The following CDH13 variants were observed in gnomAD, a reference collection of about 807,000 sequenced individuals.
The protein encoded by CDH13 is cadherin 13.
In CDH13, 24 loss-of-function variants were observed where a neutral mutation model predicts 63.8. That is an observed-to-expected ratio of 0.38 (90% CI 0.27 to 0.53). The LOEUF (loss-of-function observed/expected upper bound fraction) is 0.53, where lower values mean the gene tolerates loss of function less well. CDH13 is among the 20% of genes least tolerant of loss of function. The probability of loss-of-function intolerance (pLI) is 0.85; values close to 1 mark genes in which losing one functional copy is unlikely to be tolerated. For synonymous variants in CDH13, 503 were observed against 355.3 expected (o/e 1.42, Z -4.67); for missense variants, 1,049 against 903.1 (o/e 1.16, Z -2.07).
intron 6 of CDH13, among the ~76,000 whole-genome samples, chr16:83,350,723 A>C (rs2090935731): frequency 6.6e-6 from 1 of 152,152 alleles, no homozygotes; most frequent in Non-Finnish European, 1.5e-5. Flanking sequence ...AAATTGCGGC[A>C]AGTGCTACAA....
chr16:82,866,064 C>A (rs958657586), intron 2 of CDH13, among the ~76,000 whole-genome samples: 2 of 152,158 alleles, frequency 1.3e-5, no homozygotes, highest in African/African-American at 2.4e-5. Flanking sequence ...AGTCTCTTTG[C>A]TAAAGTACAG....
chr16:82,941,913 G>A (rs1904292369), intron 2 of CDH13, among the ~76,000 whole-genome samples: 1 of 152,084 alleles, frequency 6.6e-6, no homozygotes, highest in African/African-American at 2.4e-5. Context: ...TTCCCTCAGT[G>A]GTAATTCAAG....
intron 10 of CDH13, chr16:83,725,534 A>G (rs1910286517): frequency 6.6e-6 from 1 of 152,440 alleles, no homozygotes; most frequent in Non-Finnish European, 1.5e-5. Flanking sequence ...TGTCCTGGTC[A>G]CGGTCTGGCT....
At chr16:82,979,888 T>A (rs188503960) in intron 2 of CDH13, among the ~76,000 whole-genome samples, 1 of 152,334 alleles carries the variant, frequency 6.6e-6, no homozygotes, top group East Asian at 1.9e-4. Context: ...GAGACCATTT[T>A]AGGAAATCTT....
At chr16:83,139,073 G>C (rs911161560) in intron 4 of CDH13, among the ~76,000 whole-genome samples, 6 of 152,168 alleles carry the variant, frequency 3.9e-5, no homozygotes, top group African/African-American at 1.4e-4. Context: ...CCCGTAGTTT[G>C]CTCTGTGCTG....
intron 2 of CDH13, among the ~76,000 whole-genome samples, chr16:82,946,870 T>C (rs970817023): frequency 9.2e-5 from 14 of 152,084 alleles, no homozygotes; most frequent in Non-Finnish European, 1.3e-4. Flanking sequence ...TAGAGTGAAG[T>C]TGAAAGTGTT....
intron 1 of CDH13, among the ~76,000 whole-genome samples, chr16:82,767,289 G>T (rs1025367175): frequency 6.6e-6 from 1 of 152,146 alleles, no homozygotes; most frequent in African/African-American, 2.4e-5. Flanking sequence ...AGCCTCTTCC[G>T]AGTCAATTCT....
chr16:83,087,417 C>G (rs905392793), intron 3 of CDH13, among the ~76,000 whole-genome samples: 2 of 152,058 alleles, frequency 1.3e-5, no homozygotes, highest in African/African-American at 4.8e-5. Context: ...CGCCTGTAAT[C>G]CCAGCACTTT....
chr16:82,868,513 T>C (rs148437324), intron 2 of CDH13, among the ~76,000 whole-genome samples: 28 of 152,340 alleles, frequency 1.8e-4, no homozygotes, highest in African/African-American at 5.0e-4. Context: ...GATCCTTCCA[T>C]TGGACTTGGG....
chr16:83,470,402 A>T (rs1482655729), intron 6 of CDH13, among the ~76,000 whole-genome samples: 1 of 152,096 alleles, frequency 6.6e-6, no homozygotes, highest in Non-Finnish European at 1.5e-5. Context: ...TGGCTATCAA[A>T]AGGTAGCTCT....
chr16:83,544,719 C>T (rs543862953), intron 7 of CDH13, among the ~76,000 whole-genome samples: 6 of 152,258 alleles, frequency 3.9e-5, no homozygotes, highest in South Asian at 4.2e-4. Context: ...GTGAAATCAT[C>T]GTAAGTCAGG....
chr16:83,043,329 T>C (rs577217146), intron 3 of CDH13, among the ~76,000 whole-genome samples: 2 of 152,286 alleles, frequency 1.3e-5, no homozygotes, highest in South Asian at 4.1e-4. Flanking sequence ...AATGGCTTCT[T>C]TTTGGCTTTT....
intron 4 of CDH13, among the ~76,000 whole-genome samples, chr16:83,130,402 T>C (rs1400419944): frequency 1.3e-5 from 2 of 152,208 alleles, no homozygotes; most frequent in Non-Finnish European, 2.9e-5. Context: ...CTAAGCCCAA[T>C]CTGAGAATAC....
intron 1 of CDH13, among the ~76,000 whole-genome samples, chr16:82,821,265 A>C (rs547035784): frequency 6.6e-6 from 1 of 152,004 alleles, no homozygotes; most frequent in Non-Finnish European, 1.5e-5. Context: ...GGAATTTGGA[A>C]CATTAATGAC....
intron 6 of CDH13, among the ~76,000 whole-genome samples, chr16:83,429,965 C>A (rs2072045464): frequency 6.6e-6 from 1 of 152,160 alleles, no homozygotes; most frequent in African/African-American, 2.4e-5. Flanking sequence ...TCCCTTCAGC[C>A]CCTGGCAACC....
At chr16:82,776,331 C>G (rs938730601) in intron 1 of CDH13, among the ~76,000 whole-genome samples, 1 of 152,082 alleles carries the variant, frequency 6.6e-6, no homozygotes, top group Non-Finnish European at 1.5e-5. Flanking sequence ...AGAAAAGGCA[C>G]TATCTATGCC....
intron 6 of CDH13, chr16:83,396,574 T>A (rs1409328934): frequency 6.6e-6 from 1 of 152,138 alleles, no homozygotes; most frequent in African/African-American, 2.4e-5. Flanking sequence ...CCCTGAAGGG[T>A]TAAGCTCTAT....
chr16:83,153,230 C>T (rs1014007079), intron 4 of CDH13, among the ~76,000 whole-genome samples: 16 of 151,768 alleles, frequency 1.1e-4, no homozygotes, highest in South Asian at 2.1e-4. Flanking sequence ...TTGGTTGGGT[C>T]GGAGATGAAA....
chr16:83,588,874 G>A (rs776617709), intron 7 of CDH13, among the ~76,000 whole-genome samples: 5 of 152,200 alleles, frequency 3.3e-5, no homozygotes, highest in South Asian at 2.1e-4. Context: ...GTGAGGCCAC[G>A]CACCACGTGG....
Sources: allele counts gnomAD v4.1 joint callset (sites outside exome capture counted in the v4.1 genomes callset), GRCh38; gene constraint gnomAD v4.1.1; transcripts MANE v1.5; gene names NCBI Gene and HGNC (gene_info 2026-07-23, HGNC 2026-07-21).